C12orf56: variants seen among roughly 807,000 people sequenced by gnomAD.
The protein encoded by C12orf56 is uncharacterized protein C12orf56.
In C12orf56, 71 loss-of-function variants were observed where a neutral mutation model predicts 69.9. That is an observed-to-expected ratio of 1.02 (90% CI 0.84 to 1.24). The LOEUF (loss-of-function observed/expected upper bound fraction) is 1.24, where lower values mean the gene tolerates loss of function less well. Ranked by LOEUF, C12orf56 falls within the 50% of genes most tolerant of loss-of-function variation. The pLI, the probability that C12orf56 is intolerant of heterozygous loss-of-function variation, is 0.00. For missense variants in C12orf56, 732 were observed against 738.5 expected (o/e 0.99, Z 0.10); for synonymous variants, 276 against 274.1 (o/e 1.01, Z -0.07).
chr12:64,318,641 C>A lies in C12orf56; in HGVS notation c.828G>T (p.Leu276Phe). The A allele has an allele frequency of 6.5e-7, 1 of 1,536,904 alleles. No homozygotes were observed. The highest frequency in any genetic ancestry group is 8.7e-7 in the Non-Finnish European group (1 of 1,146,626). The change falls in exon 4 of 13, where the codon TTG becomes TTT. Residue 276 changes from leucine to phenylalanine, a missense_variant. By Grantham distance (22) the Leu-to-Phe change is conservative (BLOSUM62 0). Coordinates refer to ENST00000543942, the MANE Select transcript of C12orf56 (RefSeq NM_001170633.2). Reference sequence around the variant, plus strand: ...TTGATGAGGTTGTGGAAATAACATACAAATGAAGTTCTGACTCCTTTTTCT... The same window carrying A: ...TTGATGAGGTTGTGGAAATAACATAAAAATGAAGTTCTGACTCCTTTTTCT... ...NLEKKESELH[L>F]YVISTTSSIF...
At chr12:64,384,966 A>G (rs2039768835) in intron 1 of C12orf56, among the ~76,000 whole-genome samples, 1 of 151,782 alleles carries the variant, frequency 6.6e-6, no homozygotes, top group African/African-American at 2.4e-5. Context: ...AGGCAAGAGA[A>G]TCACTTGAAC....
chr12:64,351,600 C>T lies in C12orf56; in HGVS notation c.415+1294G>A, dbSNP rs73311879. On this transcript the variant is annotated intron_variant, in intron 2 of 12. Coordinates refer to ENST00000543942, the MANE Select transcript of C12orf56 (RefSeq NM_001170633.2). ...GTACATGAGTAAGAGCATATATTCCCAGCCCCTAGTCCTCCCTGTTAATGT... is the reference window on the plus strand; with the variant it reads ...GTACATGAGTAAGAGCATATATTCCTAGCCCCTAGTCCTCCCTGTTAATGT... 3.1e-3 allele frequency among the ~76,000 whole-genome samples: 470 copies of T among 152,216 alleles called. 4 individuals carry two copies. The highest frequency in any genetic ancestry group is 0.011 in the African/African-American group (444 of 41,522).
Position 64,275,236 on chromosome 12 carries a change from T to C in C12orf56, c.1509+62A>G, listed in dbSNP as rs1348359830. 25 of 748,064 alleles carry C rather than the reference T, an allele frequency of 3.3e-5. No individual in the cohort carries two copies. In the East Asian group the frequency reaches 7.3e-4, roughly 22 times the overall value. 46.3% of individuals were successfully genotyped at this position (748,064 alleles called of 1,614,324 possible). On this transcript the variant is annotated intron_variant, in intron 10 of 12. Coordinates refer to ENST00000543942, the MANE Select transcript of C12orf56 (RefSeq NM_001170633.2). ...CATAATATACATATATCATAATATA[T>C]AATAGTCATGTAATTTATAGTTACA...
Position 64,303,718 on chromosome 12 carries a change from A to T in C12orf56, c.1030T>A (p.Ser344Thr), listed in dbSNP as rs1280935023. The T allele has an allele frequency of 6.3e-7, 1 of 1,582,754 alleles. No individual in the cohort carries two copies. Among genetic ancestry groups the T allele is most frequent in the Non-Finnish European group, 8.6e-7 (1 of 1,164,488 alleles). ...AGTAAAGAAAGTATCCTCCTCAAAG[A>T]ATTGTCTTTAAGAAAAAGTTCAGAT... is the stretch of plus-strand genomic sequence containing the variant. ...LKSELFLKDN[S>T]LRRILSLLME... The change falls in exon 6 of 13, where the codon TCT becomes ACT. Residue 344 changes from serine (S) to threonine (T), a missense_variant. Coordinates refer to ENST00000543942, the MANE Select transcript of C12orf56 (RefSeq NM_001170633.2).
In C12orf56 at chr12:64,284,699, G is replaced by A. The variant is rs368094163; in HGVS notation, c.1275C>T (p.Thr425=). ...CCAATGTGTTCAGGCGTGATGACTC[G>A]GTTTCTGTTTCTCTGAACATCAATA... is the stretch of plus-strand genomic sequence containing the variant. ...TLVLMFRETE[T]ESSRLNTLAA... Residue 425 remains threonine (T), a synonymous_variant, in exon 8 of 13, where the codon ACC becomes ACT. Coordinates refer to ENST00000543942, the MANE Select transcript of C12orf56 (RefSeq NM_001170633.2). 1.7e-5 allele frequency: 27 copies of A among 1,612,106 alleles called. No homozygotes were observed. The highest frequency in any genetic ancestry group is 5.5e-5 in the South Asian group (5 of 90,384).
chr12:64,331,390 A>G (rs1381574380), intron 2 of C12orf56, among the ~76,000 whole-genome samples: 1 of 152,180 alleles, frequency 6.6e-6, no homozygotes, highest in Non-Finnish European at 1.5e-5. Context: ...AGCCCCAGCT[A>G]CTTGGGAGGC....
intron 5 of C12orf56, among the ~76,000 whole-genome samples, chr12:64,308,973 A>AAGAAAGAAAGAAAGAAAG (rs1291248261): frequency 4.2e-5 from 2 of 47,280 alleles, no homozygotes; most frequent in Admixed American, 2.2e-4. Context: ...GAAAGAAAGA[A>AAGAAAGAAAGAAAGAAAG]AAGAAAGAAA....
At chr12:64,313,674 T>C (rs1260232570) in intron 4 of C12orf56, among the ~76,000 whole-genome samples, 1 of 151,428 alleles carries the variant, frequency 6.6e-6, no homozygotes. Context: ...AATCCTAAAT[T>C]ATATCGCATA....
intron 12 of C12orf56, among the ~76,000 whole-genome samples, chr12:64,268,761 A>G (rs2037943517): frequency 6.6e-6 from 1 of 152,034 alleles, no homozygotes; most frequent in African/African-American, 2.4e-5. Context: ...GAGGGAAGAG[A>G]TGGGAATTGG....
In C12orf56 at chr12:64,390,491, C is replaced by A; in HGVS notation, c.75G>T (p.Leu25=). Residue 25 remains leucine, a synonymous_variant, in exon 1 of 13, where the codon CTG becomes CTT. Transcript: ENST00000543942. The stretch of plus-strand genomic sequence containing the variant: ...GGACCGCGTCGTAGACCTCGGGCGG[C>A]AGATGCCGCCGCAGGAACACATCCA... ...SRLDVFLRRH[L]PPEVYDAVRA... is the part of the protein sequence containing the mutation. 6.2e-7 allele frequency: 1 copy of A among 1,602,448 alleles called. No individual in the cohort carries two copies. Among genetic ancestry groups the A allele is most frequent in the Non-Finnish European group, 8.5e-7 (1 of 1,179,564 alleles).
intron 2 of C12orf56, among the ~76,000 whole-genome samples, chr12:64,345,125 G>C (rs1396028022): frequency 6.6e-6 from 1 of 152,056 alleles, no homozygotes; most frequent in African/African-American, 2.4e-5. Context: ...TTTGAATGTA[G>C]CACACCTCCT....
At chr12:64,306,881 G>A (rs2038520764) in intron 5 of C12orf56, among the ~76,000 whole-genome samples, 1 of 152,116 alleles carries the variant, frequency 6.6e-6, no homozygotes, top group Non-Finnish European at 1.5e-5. Flanking sequence ...CCTAAAGGAT[G>A]TTTATTCCTT....
chr12:64,330,525 C>T (rs1173747637), intron 3 of C12orf56, among the ~76,000 whole-genome samples: 1 of 152,160 alleles, frequency 6.6e-6, no homozygotes, highest in Non-Finnish European at 1.5e-5. Context: ...TGCTCAGACT[C>T]ATTCAGGACA....
intron 3 of C12orf56, among the ~76,000 whole-genome samples, chr12:64,325,072 G>C (rs1276659218): frequency 6.6e-6 from 1 of 152,100 alleles, no homozygotes; most frequent in Non-Finnish European, 1.5e-5. Context: ...TACTCTCCAC[G>C]AGCCCTTGGG....
chr12:64,308,570 C>T (rs569149760), intron 5 of C12orf56, among the ~76,000 whole-genome samples: 5 of 150,494 alleles, frequency 3.3e-5, no homozygotes, highest in African/African-American at 4.9e-5. Flanking sequence ...CCCAGCTGGG[C>T]GGTGGCTCAT....
chr12:64,269,006 C>T (rs2037947136), intron 12 of C12orf56, among the ~76,000 whole-genome samples: 2 of 152,188 alleles, frequency 1.3e-5, no homozygotes, highest in South Asian at 4.2e-4. Context: ...CGTGATGGTG[C>T]ATGCCTGTAG....
intron 1 of C12orf56, among the ~76,000 whole-genome samples, chr12:64,390,016 A>C (rs939271729): frequency 1.3e-5 from 2 of 152,132 alleles, no homozygotes; most frequent in Admixed American, 1.3e-4. Context: ...TAACAAAGGA[A>C]TGACTTTAAA....
At position 64,367,220 on chromosome 12, in the gene C12orf56, T is replaced by A. The variant is rs190304178; in HGVS notation, c.253-14164A>T. 1.2e-4 allele frequency among the ~76,000 whole-genome samples: 6 copies of A among 49,218 alleles called. 2 individuals carry two copies. Among genetic ancestry groups the A allele is most frequent in the Admixed American group, 3.1e-4 (1 of 3,244 alleles). The allele number at this position is 49,218 out of a possible 152,430, so 32.3% of individuals were successfully genotyped here. A position where few individuals can be genotyped will look rare whatever the true frequency, so the allele number is the denominator to read the frequency against. ...TTTATATATTATATATAACATACAG[T>A]TTATATATTATATGTAATATACAGT... On this transcript the variant is annotated intron_variant, in intron 1 of 12. Transcript: ENST00000543942.
At chr12:64,354,689 C>T (rs977292919) in intron 1 of C12orf56, among the ~76,000 whole-genome samples, 3 of 150,554 alleles carry the variant, frequency 2.0e-5, no homozygotes, top group Non-Finnish European at 3.0e-5. Context: ...GAACTCCTGA[C>T]CTCAGGACCT....
Sources: gnomAD v4.1 joint callset for allele counts (sites outside exome capture counted in the v4.1 genomes callset) on GRCh38, gnomAD v4.1.1 for gene constraint, MANE v1.5 for transcripts, NCBI Gene and HGNC (gene_info 2026-07-23, HGNC 2026-07-21) for gene names.